Variants in PTPRM observed in about 807,000 individuals in gnomAD.
The protein encoded by PTPRM is receptor-type tyrosine-protein phosphatase mu.
Under a neutral mutation model 186.7 loss-of-function variants are expected in PTPRM, and 47 were observed. The observed-to-expected ratio is 0.25, with a 90% CI of 0.20 to 0.32. The LOEUF is 0.32. PTPRM is among the 10% of genes least tolerant of loss of function. PTPRM has a pLI of 1.00. For missense variants in PTPRM, 1,494 were observed against 1,865.0 expected, an observed-to-expected ratio of 0.80 and a Z score of 3.66; for synonymous variants, 668 against 674.9, an observed-to-expected ratio of 0.99 and a Z score of 0.16.
At chr18:7,823,685 G>A (rs2045329812) in intron 2 of PTPRM, among the ~76,000 whole-genome samples, 1 of 152,122 alleles carries the variant, frequency 6.6e-6, no homozygotes. Context: ...TCCTGTCCTC[G>A]AACATCGAAC....
At chr18:7,917,206 T>A (rs2050610855) in intron 4 of PTPRM, among the ~76,000 whole-genome samples, 1 of 152,206 alleles carries the variant, frequency 6.6e-6, no homozygotes, top group Non-Finnish European at 1.5e-5. Context: ...AGTTTGACAA[T>A]TTATGTCAAA....
intron 14 of PTPRM, among the ~76,000 whole-genome samples, chr18:8,224,587 A>T (rs1250832595): frequency 6.6e-6 from 1 of 152,246 alleles, no homozygotes; most frequent in Admixed American, 6.5e-5. Context: ...ATTGGGGAAA[A>T]AAATGAATAA....
chr18:8,068,122 A>G (rs1173285032), intron 7 of PTPRM, among the ~76,000 whole-genome samples: 1 of 152,196 alleles, frequency 6.6e-6, no homozygotes, highest in Non-Finnish European at 1.5e-5. Context: ...TTATGTCTAT[A>G]TATTAGAAAT....
chr18:8,395,194 G>A (rs1319799812), intron 32 of PTPRM, among the ~76,000 whole-genome samples: 1 of 152,002 alleles, frequency 6.6e-6, no homozygotes, highest in African/African-American at 2.4e-5. Flanking sequence ...TAGTTTAAAG[G>A]AGGAAGCTTT....
chr18:8,382,653 T>G (rs1265243786), intron 29 of PTPRM, among the ~76,000 whole-genome samples: 1 of 152,234 alleles, frequency 6.6e-6, no homozygotes, highest in Non-Finnish European at 1.5e-5. Context: ...AAAGGCACCC[T>G]TGGTTACCCT....
chr18:7,803,559 G>A (rs974722088), intron 2 of PTPRM, among the ~76,000 whole-genome samples: 1 of 152,120 alleles, frequency 6.6e-6, no homozygotes, highest in African/African-American at 2.4e-5. Flanking sequence ...CATCATTGGG[G>A]CTGCTATTAT....
intron 1 of PTPRM, among the ~76,000 whole-genome samples, chr18:7,728,768 C>T (rs1035846402): frequency 6.6e-6 from 1 of 152,156 alleles, no homozygotes; most frequent in Non-Finnish European, 1.5e-5. Context: ...CTATCAGCAG[C>T]ATTTCTCTAT....
intron 1 of PTPRM, among the ~76,000 whole-genome samples, chr18:7,657,453 A>T (rs2038877026): frequency 6.6e-6 from 1 of 152,210 alleles, no homozygotes; most frequent in African/African-American, 2.4e-5. Flanking sequence ...GGTGCCATTT[A>T]ACAGTTTCTT....
intron 23 of PTPRM, among the ~76,000 whole-genome samples, chr18:8,356,813 A>T (rs898398732): frequency 6.6e-6 from 1 of 152,202 alleles, no homozygotes; most frequent in Non-Finnish European, 1.5e-5. Flanking sequence ...CAAGGAGAAT[A>T]GGGTGTTGTG....
At chr18:7,826,908 A>G (rs1351895627) in intron 2 of PTPRM, among the ~76,000 whole-genome samples, 2 of 152,182 alleles carry the variant, frequency 1.3e-5, no homozygotes, top group Non-Finnish European at 2.9e-5. Context: ...AGCCTGGACA[A>G]CATGGTTATA....
At chr18:7,990,713 C>T (rs2083223063) in intron 7 of PTPRM, among the ~76,000 whole-genome samples, 1 of 152,178 alleles carries the variant, frequency 6.6e-6, no homozygotes, top group Non-Finnish European at 1.5e-5. Context: ...ACACTGATCA[C>T]TGAGACAGAG....
chr18:8,088,719 G>A, intron 10 of PTPRM, 30 bp from the exon 11 acceptor site: 3 of 1,499,462 alleles, frequency 2.0e-6, no homozygotes, highest in Non-Finnish European at 2.8e-6. Flanking sequence ...CAGAAATAAT[G>A]AGTCTCCCAT....
At chr18:8,287,008 T>G (rs1438720176) in intron 19 of PTPRM, among the ~76,000 whole-genome samples, 1 of 151,992 alleles carries the variant, frequency 6.6e-6, no homozygotes, top group Non-Finnish European at 1.5e-5. Flanking sequence ...TCAGTCACAT[T>G]TGATGGAGTT....
At chr18:7,832,527 G>T (rs2045815123) in intron 2 of PTPRM, among the ~76,000 whole-genome samples, 1 of 152,096 alleles carries the variant, frequency 6.6e-6, no homozygotes, top group South Asian at 2.1e-4. Flanking sequence ...TTAGCCCCTT[G>T]TGAGATGGGT....
chr18:8,270,784 A>G (rs1042796245), intron 19 of PTPRM, among the ~76,000 whole-genome samples: 3 of 152,176 alleles, frequency 2.0e-5, no homozygotes, highest in African/African-American at 4.8e-5. Flanking sequence ...TTTTACTTAC[A>G]TGTGGAATCT....
chr18:8,059,168 A>G (rs2148343577), intron 7 of PTPRM, among the ~76,000 whole-genome samples: 1 of 151,124 alleles, frequency 6.6e-6, no homozygotes, highest in East Asian at 2.0e-4. Flanking sequence ...GAGGTCCTTC[A>G]CATCCCTTGT....
intron 7 of PTPRM, among the ~76,000 whole-genome samples, chr18:7,993,213 GC>G (rs1234604245): frequency 6.6e-6 from 1 of 151,814 alleles, no homozygotes; most frequent in African/African-American, 2.4e-5. Flanking sequence ...TAAAAAGAAA[GC>G]CTAAATGGCA....
At position 7,715,304 on chromosome 18, in the gene PTPRM, C is replaced by T. The variant is rs1568048614; in HGVS notation, c.74-58845C>T. On this transcript the variant is annotated intron_variant, in intron 1 of 32. Transcript: ENST00000580170. ...AGAAAAGGCTTTTGACAAAATTCAA[C>T]ACCTCTTCATGCTAAAAACTCTTAA... Among the ~76,000 whole-genome samples the T allele has an allele frequency of 1.3e-5, 2 of 152,170 alleles. 1 individual carries two copies. Among genetic ancestry groups the T allele is most frequent in the East Asian group, 3.8e-4 (2 of 5,196 alleles).
intron 5 of PTPRM, among the ~76,000 whole-genome samples, chr18:7,943,741 C>G (rs1384872522): frequency 6.6e-6 from 1 of 152,134 alleles, no homozygotes; most frequent in Non-Finnish European, 1.5e-5. Flanking sequence ...TCGGCACAAC[C>G]TCTGCTTCTG....
Sources: allele counts gnomAD v4.1 joint callset (sites outside exome capture counted in the v4.1 genomes callset), GRCh38; gene constraint gnomAD v4.1.1; transcripts MANE v1.5; gene names NCBI Gene and HGNC (gene_info 2026-07-23, HGNC 2026-07-21).